The following RBPMS variants were observed in gnomAD, a reference collection of about 807,000 sequenced individuals.
RBPMS encodes RNA binding protein, mRNA processing factor, also known as RNA-binding protein with multiple splicing.
Under a neutral mutation model 26.8 loss-of-function variants are expected in RBPMS, and 7 were observed. The observed-to-expected ratio is 0.26, with a 90% CI of 0.15 to 0.49. The LOEUF (loss-of-function observed/expected upper bound fraction) is 0.49. Ranked by LOEUF, RBPMS falls within the 20% of genes least tolerant of loss-of-function variation. The pLI is 0.98. For synonymous variants in RBPMS, 96 were observed against 93.3 expected, an observed-to-expected ratio of 1.03 and a Z score of -0.17; for missense variants, 186 against 250.0, an observed-to-expected ratio of 0.74 and a Z score of 1.73.
chr8:30,433,599 G>A (rs1812157759), intron 1 of RBPMS, among the ~76,000 whole-genome samples: 1 of 152,216 alleles, frequency 6.6e-6, no homozygotes, highest in Non-Finnish European at 1.5e-5. Context: ...TTGAGCCAGT[G>A]AGGCAGAGGT....
At chr8:30,431,217 T>G (rs1266232920) in intron 1 of RBPMS, among the ~76,000 whole-genome samples, 1 of 152,160 alleles carries the variant, frequency 6.6e-6, no homozygotes, top group Non-Finnish European at 1.5e-5. Context: ...TTTTATTGTG[T>G]GGCATAGGGT....
intron 5 of RBPMS, among the ~76,000 whole-genome samples, chr8:30,526,605 G>A (rs1823618338): frequency 6.6e-6 from 1 of 152,158 alleles, no homozygotes. Flanking sequence ...AAGCAATTCT[G>A]AACGTATGTG....
At chr8:30,536,964 C>T (rs1027363929) in intron 5 of RBPMS, among the ~76,000 whole-genome samples, 12 of 152,168 alleles carry the variant, frequency 7.9e-5, no homozygotes, top group East Asian at 1.9e-4. Context: ...AATCCAGGCT[C>T]GCAGAGAGGC....
intron 4 of RBPMS, among the ~76,000 whole-genome samples, chr8:30,486,807 G>C (rs1818843750): frequency 6.6e-6 from 1 of 152,114 alleles, no homozygotes; most frequent in Admixed American, 6.6e-5. Context: ...ACTTCACCCA[G>C]CTCTTCTCTA....
intron 5 of RBPMS, among the ~76,000 whole-genome samples, chr8:30,542,487 G>A (rs1305808183): frequency 6.6e-6 from 1 of 152,152 alleles, no homozygotes; most frequent in African/African-American, 2.4e-5. Context: ...AGTTAGCCAG[G>A]AAGATAAGGA....
chr8:30,447,050 A>G (rs578241554), intron 1 of RBPMS: 8 of 152,296 alleles, frequency 5.3e-5, no homozygotes, highest in African/African-American at 1.9e-4. Flanking sequence ...ATTTTGTTGC[A>G]TACCAAAGGA....
intron 1 of RBPMS, among the ~76,000 whole-genome samples, chr8:30,409,916 C>T (rs1195153215): frequency 3.9e-5 from 6 of 152,160 alleles, no homozygotes; most frequent in Middle Eastern, 3.2e-3. Context: ...TAGGCGTGAG[C>T]CACCGCACCC....
intron 1 of RBPMS, among the ~76,000 whole-genome samples, chr8:30,451,018 C>T (rs1341142264): frequency 6.6e-6 from 1 of 152,016 alleles, no homozygotes; most frequent in Non-Finnish European, 1.5e-5. Context: ...AAAAAATAGA[C>T]TCCTTGAAAA....
intron 4 of RBPMS, among the ~76,000 whole-genome samples, chr8:30,486,671 TAAAG>T (rs1818824309): frequency 6.6e-6 from 1 of 151,982 alleles, no homozygotes; most frequent in Non-Finnish European, 1.5e-5. Flanking sequence ...CAAGGAAGTT[TAAAG>T]AAAGAAAAGT....
At chr8:30,421,926 G>A (rs972742249) in intron 1 of RBPMS, among the ~76,000 whole-genome samples, 3 of 150,490 alleles carry the variant, frequency 2.0e-5, no homozygotes, top group Admixed American at 6.6e-5. Flanking sequence ...CTGCACTCCA[G>A]CCTGGGTGAC....
At position 30,416,618 on chromosome 8, in the gene RBPMS, G is replaced by A. The variant is rs547712265; in HGVS notation, c.66+31460G>A. 2.6e-5 allele frequency among the ~76,000 whole-genome samples: 4 copies of A among 152,250 alleles called. No homozygotes were observed. The South Asian group carries it at 8.3e-4, about 32-fold the overall frequency. ...CTGCCTCAGCCTCCCGAGTAGCTGG[G>A]ATGTGCCACCAGGCCCAGCTAATTT... On this transcript the variant is annotated intron_variant, in intron 1 of 8. Transcript: ENST00000397323.
intron 7 of RBPMS, among the ~76,000 whole-genome samples, chr8:30,562,393 T>G (rs1827574486): frequency 1.3e-5 from 2 of 151,676 alleles, no homozygotes; most frequent in South Asian, 2.1e-4. Flanking sequence ...GAGCTAAGCT[T>G]GGGCCATGGG....
intron 1 of RBPMS, among the ~76,000 whole-genome samples, chr8:30,442,051 GT>G (rs901136310): frequency 3.2e-4 from 49 of 152,204 alleles, no homozygotes; most frequent in African/African-American, 1.1e-3. Context: ...GCCTCCCCAA[GT>G]GCTGGGATTA....
chr8:30,410,798 C>G (rs1809294753), intron 1 of RBPMS, among the ~76,000 whole-genome samples: 2 of 147,624 alleles, frequency 1.4e-5, no homozygotes, highest in Non-Finnish European at 3.0e-5. Context: ...TGCAGTGGTG[C>G]AATCATAGCT....
intron 4 of RBPMS, among the ~76,000 whole-genome samples, chr8:30,498,285 A>G (rs902208893): frequency 5.9e-5 from 9 of 152,190 alleles, no homozygotes; most frequent in Middle Eastern, 3.4e-3. Context: ...GAAGTTCAGT[A>G]TCTCAGAAAG....
intron 7 of RBPMS, among the ~76,000 whole-genome samples, chr8:30,559,760 GAGA>G (rs1827287513): frequency 6.6e-6 from 1 of 152,204 alleles, no homozygotes; most frequent in Non-Finnish European, 1.5e-5. Context: ...GAAGAAAAAT[GAGA>G]AGAGGGAGGG....
intron 6 of RBPMS, among the ~76,000 whole-genome samples, chr8:30,549,750 C>CCTTTCCTTTTCTTTCCTTTT (rs1826154019): frequency 1.3e-5 from 1 of 76,208 alleles, no homozygotes; most frequent in African/African-American, 5.3e-5. Context: ...TTCTTTCTTT[C>CCTTTCCTTTTCTTTCCTTTT]CTTTTCTTTT....
At chr8:30,422,954 C>T (rs772469383) in intron 1 of RBPMS, among the ~76,000 whole-genome samples, 2 of 152,222 alleles carry the variant, frequency 1.3e-5, no homozygotes, top group African/African-American at 2.4e-5. Context: ...ATTCTATGAT[C>T]GCAGCAAGTC....
chr8:30,494,229 G>C (rs569014502), intron 4 of RBPMS, among the ~76,000 whole-genome samples: 12 of 152,334 alleles, frequency 7.9e-5, no homozygotes, highest in Admixed American at 6.5e-4. Context: ...CAGCAGCTCA[G>C]GTGTCCTGCT....
Sources: allele counts gnomAD v4.1 joint callset (sites outside exome capture counted in the v4.1 genomes callset), GRCh38; gene constraint gnomAD v4.1.1; transcripts MANE v1.5; gene names NCBI Gene and HGNC (gene_info 2026-07-23, HGNC 2026-07-21).